ARHGAP26: variants seen among roughly 807,000 people sequenced by gnomAD.
The protein encoded by ARHGAP26 is rho GTPase-activating protein 26.
A neutral mutation model predicts 104.8 loss-of-function variants in ARHGAP26; 38 were observed. That is an observed-to-expected ratio of 0.36 (90% CI 0.28 to 0.48). ARHGAP26 has a LOEUF of 0.48. ARHGAP26 is among the 20% of genes least tolerant of loss of function. ARHGAP26 has a pLI of 0.99. For synonymous variants in ARHGAP26, 341 were observed against 340.0 expected, an observed-to-expected ratio of 1.00 and a Z score of -0.03; for missense variants, 704 against 947.9, an observed-to-expected ratio of 0.74 and a Z score of 3.38.
At chr5:143,117,574 A>C (rs922838375) in intron 17 of ARHGAP26, among the ~76,000 whole-genome samples, 1 of 152,252 alleles carries the variant, frequency 6.6e-6, no homozygotes, top group Non-Finnish European at 1.5e-5. Context: ...GACTTAGATC[A>C]ATGTGTCTTT....
intron 11 of ARHGAP26, among the ~76,000 whole-genome samples, chr5:142,977,356 A>T (rs1292835970): frequency 6.6e-6 from 1 of 152,096 alleles, no homozygotes. Context: ...CAATAAAGAG[A>T]ACTTCAAACA....
chr5:142,940,020 A>G (rs1299691720), intron 11 of ARHGAP26, among the ~76,000 whole-genome samples: 1 of 152,200 alleles, frequency 6.6e-6, no homozygotes, highest in Non-Finnish European at 1.5e-5. Context: ...ACTGCTTTCA[A>G]TAGTATGGAA....
chr5:142,821,163 T>G (rs546526011), intron 1 of ARHGAP26, among the ~76,000 whole-genome samples: 2 of 152,272 alleles, frequency 1.3e-5, no homozygotes, highest in South Asian at 4.1e-4. Flanking sequence ...GCATCTTAAC[T>G]ATGTTTCTGT....
At chr5:143,005,175 G>A (rs1266979920) in intron 11 of ARHGAP26, among the ~76,000 whole-genome samples, 1 of 152,182 alleles carries the variant, frequency 6.6e-6, no homozygotes, top group Admixed American at 6.5e-5. Context: ...TATAGAAAGA[G>A]CAGGGATGAG....
intron 11 of ARHGAP26, among the ~76,000 whole-genome samples, chr5:143,009,612 A>C (rs1212099106): frequency 6.6e-6 from 1 of 152,236 alleles, no homozygotes; most frequent in Non-Finnish European, 1.5e-5. Flanking sequence ...TGTCATAATT[A>C]TTCTTTAATG....
At chr5:143,124,897 T>C (rs1395233650) in intron 18 of ARHGAP26, among the ~76,000 whole-genome samples, 1 of 152,154 alleles carries the variant, frequency 6.6e-6, no homozygotes, top group Non-Finnish European at 1.5e-5. Context: ...TTCTTATCAG[T>C]GGTTTGTGCT....
intron 20 of ARHGAP26, among the ~76,000 whole-genome samples, chr5:143,179,230 C>T (rs1803950030): frequency 6.6e-6 from 1 of 152,212 alleles, no homozygotes; most frequent in Admixed American, 6.5e-5. Flanking sequence ...CTTTCCCCCA[C>T]TGGACTGCAC....
At chr5:142,842,077 T>C (rs1300153143) in intron 1 of ARHGAP26, among the ~76,000 whole-genome samples, 1 of 152,238 alleles carries the variant, frequency 6.6e-6, no homozygotes, top group Non-Finnish European at 1.5e-5. Flanking sequence ...GGCTTTTAAA[T>C]GGGAACATTT....
intron 12 of ARHGAP26, among the ~76,000 whole-genome samples, chr5:143,022,605 T>C (rs1780508439): frequency 1.3e-5 from 2 of 152,254 alleles, no homozygotes; most frequent in Non-Finnish European, 1.5e-5. Context: ...TATTAACCCT[T>C]GGCTTAACAC....
rs1028328735 is a variant in ARHGAP26, at chr5:142,932,048, C to A, written c.1030C>A (p.Pro344Thr). ...TCCATGTCCCTCCTTTCTCTGCAGG[C>A]CAGGGGTTATCACCATGCAAGCTTT... is the stretch of plus-strand genomic sequence containing the variant. ...FCFDVEAVDR[P>T]GVITMQALSE... is the part of the protein sequence containing the mutation. Residue 344 changes from proline to threonine, a missense_variant and splice_region_variant, in exon 11 of 23, where the codon CCA becomes ACA. Around this residue, in one of 6 missense-constraint regions of ARHGAP26, gnomAD observed 287 missense variants for 438.8 expected, o/e 0.65. Transcript: ENST00000645722. 1 of 1,614,024 alleles carries A rather than the reference C, an allele frequency of 6.2e-7. No homozygotes were observed. Among genetic ancestry groups the A allele is most frequent in the Non-Finnish European group, 8.5e-7 (1 of 1,179,900 alleles).
At chr5:143,058,018 C>A in intron 17 of ARHGAP26, 2 of 615,114 alleles carry the variant, frequency 3.3e-6, no homozygotes, top group Non-Finnish European at 6.3e-6. Context: ...TGATCAAGGG[C>A]AAATTGGAGT....
chr5:143,137,857 T>G (rs995762954), intron 19 of ARHGAP26, among the ~76,000 whole-genome samples: 3 of 152,222 alleles, frequency 2.0e-5, no homozygotes, highest in African/African-American at 7.2e-5. Context: ...GTGTCCTTAC[T>G]CTGTGCAAAA....
intron 5 of ARHGAP26, among the ~76,000 whole-genome samples, chr5:142,891,226 G>GT (rs1352316526): frequency 6.6e-6 from 1 of 152,000 alleles, no homozygotes; most frequent in East Asian, 1.9e-4. Flanking sequence ...GGGGGTGGTG[G>GT]TGGTGAGAAG....
chr5:143,180,637 G>A (rs888820867), intron 20 of ARHGAP26, among the ~76,000 whole-genome samples: 11 of 152,044 alleles, frequency 7.2e-5, no homozygotes, highest in East Asian at 3.9e-4. Flanking sequence ...CTTATATGGC[G>A]GCAGGCTAGA....
Position 142,947,663 on chromosome 5 carries a change from G to A in ARHGAP26, c.1107+15538G>A, listed in dbSNP as rs146612239. 6.6e-5 allele frequency among the ~76,000 whole-genome samples: 10 copies of A among 152,310 alleles called. No individual in the cohort carries two copies. In the East Asian group the frequency reaches 1.9e-3, roughly 29 times the overall value. ...AATTAACTTGGAGGCAATAAATTGA[G>A]TGGTTTTCTGTTAACTAGTCTATAC... On this transcript the variant is annotated intron_variant, in intron 11 of 22. Transcript: ENST00000645722.
At chr5:142,913,394 C>A (rs984077567) in intron 10 of ARHGAP26, 101 bp downstream of exon 10, 3 of 987,728 alleles carry the variant, frequency 3.0e-6, no homozygotes, top group Non-Finnish European at 4.7e-6. Context: ...TCCCCTTCTC[C>A]CCCTCCCTCC....
At chr5:142,872,907 C>T (rs1255783423) in intron 1 of ARHGAP26, among the ~76,000 whole-genome samples, 1 of 152,154 alleles carries the variant, frequency 6.6e-6, no homozygotes, top group African/African-American at 2.4e-5. Context: ...GGGCAGTTCC[C>T]AGCCCCTCCT....
chr5:142,900,747 A>G (rs1760208051), intron 6 of ARHGAP26, among the ~76,000 whole-genome samples: 1 of 152,168 alleles, frequency 6.6e-6, no homozygotes, highest in Non-Finnish European at 1.5e-5. Flanking sequence ...CATAATAAGT[A>G]ATGTTTAACA....
intron 1 of ARHGAP26, among the ~76,000 whole-genome samples, chr5:142,794,337 A>G (rs1760510683): frequency 6.6e-6 from 1 of 152,156 alleles, no homozygotes; most frequent in South Asian, 2.1e-4. Flanking sequence ...GGGAGGGATG[A>G]TTTCCCAGAG....
Sources: gnomAD v4.1 joint callset for allele counts (sites outside exome capture counted in the v4.1 genomes callset) on GRCh38, gnomAD v4.1.1 for gene constraint, gnomAD v4.1.1 regional missense constraint, MANE v1.5 for transcripts, NCBI Gene and HGNC (gene_info 2026-07-23, HGNC 2026-07-21) for gene names.